Variants in SASH1 observed in about 807,000 individuals in gnomAD.
SASH1 encodes the protein SAM and SH3 domain containing 1, also known as SAM and SH3 domain-containing protein 1.
A neutral mutation model predicts 125.2 loss-of-function variants in SASH1; 44 were observed. The observed-to-expected ratio is 0.35, with a 90% CI of 0.28 to 0.45. The LOEUF (loss-of-function observed/expected upper bound fraction) is 0.45, where lower values mean the gene tolerates loss of function less well. Ranked by LOEUF, SASH1 falls within the 20% of genes least tolerant of loss-of-function variation. The pLI, the probability that SASH1 is intolerant of heterozygous loss-of-function variation, is 1.00. For synonymous variants in SASH1, 639 were observed against 649.1 expected (o/e 0.98, Z 0.24); for missense variants, 1,426 against 1,614.5 (o/e 0.88, Z 2.00).
intron 2 of SASH1, among the ~76,000 whole-genome samples, chr6:148,437,628 G>A (rs1408798868): frequency 6.6e-6 from 1 of 152,226 alleles, no homozygotes; most frequent in Non-Finnish European, 1.5e-5. Context: ...GGAATGGCTT[G>A]AGCTCTGGGC....
chr6:148,323,057 T>C lies in SASH1; in HGVS notation n.74+50680T>C, dbSNP rs550494045. ...TCCTCTTTTTTTTGAGACAGGGTTC[T>C]AGCTCCGTCACCCAGGACCTCAGCT... On this transcript the variant is annotated intron_variant and non_coding_transcript_variant, in intron 1 of 3. Transcript: ENST00000367469. Among the ~76,000 whole-genome samples, 20 of 151,166 alleles carry C rather than the reference T, an allele frequency of 1.3e-4. No individual in the cohort carries two copies. The South Asian group carries it at 4.3e-3, about 32-fold the overall frequency.
At chr6:148,383,668 A>G (rs954039814) in intron 1 of SASH1, among the ~76,000 whole-genome samples, 8 of 152,084 alleles carry the variant, frequency 5.3e-5, no homozygotes, top group East Asian at 1.9e-4. Flanking sequence ...CTGTCAACTT[A>G]TTCTAAACTG....
intron 1 of SASH1, among the ~76,000 whole-genome samples, chr6:148,348,379 C>T (rs766960256): frequency 6.6e-6 from 1 of 152,144 alleles, no homozygotes. Flanking sequence ...TCCATGATTC[C>T]CTTCTCCTGC....
rs187312446 is a variant in SASH1, at chr6:148,446,367, T to C, written c.386+5960T>C. 6.4e-3 allele frequency among the ~76,000 whole-genome samples: 970 copies of C among 152,136 alleles called. 6 individuals are homozygous for C. The highest frequency in any genetic ancestry group is 0.015 in the African/African-American group (617 of 41,502). ...TCATGATCCGCCCGCCTTGGCCTCCTAAAGTGCTGGGATGACAGGCGTGAG... is the reference window on the plus strand; with the variant it reads ...TCATGATCCGCCCGCCTTGGCCTCCCAAAGTGCTGGGATGACAGGCGTGAG... On this transcript the variant is annotated intron_variant, in intron 4 of 19. Coordinates refer to ENST00000367467, the MANE Select transcript of SASH1 (RefSeq NM_015278.5).
chr6:148,456,351 C>T (rs1777346193), intron 4 of SASH1, among the ~76,000 whole-genome samples: 1 of 152,208 alleles, frequency 6.6e-6, no homozygotes, highest in African/African-American at 2.4e-5. Flanking sequence ...CGTGTGGCAG[C>T]CCATTCTCAC....
intron 7 of SASH1, among the ~76,000 whole-genome samples, chr6:148,486,936 AATAT>A (rs68036618): frequency 1.1e-3 from 71 of 61,870 alleles, no homozygotes; most frequent in East Asian, 2.2e-3. Flanking sequence ...AACAACAACA[AATAT>A]ATATATATAT....
chr6:148,372,892 A>C (rs1032845903), intron 1 of SASH1, among the ~76,000 whole-genome samples: 1 of 152,126 alleles, frequency 6.6e-6, no homozygotes, highest in Admixed American at 6.6e-5. Flanking sequence ...TGGTGAAAAA[A>C]TGGTAAGAAG....
chr6:148,350,656 G>A (rs1194738142), intron 1 of SASH1, among the ~76,000 whole-genome samples: 3 of 152,116 alleles, frequency 2.0e-5, no homozygotes, highest in East Asian at 3.9e-4. Flanking sequence ...TGTAATAGAC[G>A]ATGTGCCTAC....
chr6:148,447,798 A>C, intron 4 of SASH1, among the ~76,000 whole-genome samples: 1 of 148,978 alleles, frequency 6.7e-6, no homozygotes, highest in African/African-American at 2.5e-5. Context: ...CTACCTGGCC[A>C]CCTTAGCCCT....
At chr6:148,506,678 C>G (rs1779820429) in intron 8 of SASH1, among the ~76,000 whole-genome samples, 1 of 152,248 alleles carries the variant, frequency 6.6e-6, no homozygotes, top group African/African-American at 2.4e-5. Flanking sequence ...GTTTTTCTAA[C>G]CCCTGAGACC....
chr6:148,205,721 A>G, the SASH1 span, among the ~76,000 whole-genome samples: 19 of 152,316 alleles, frequency 1.2e-4, no homozygotes, highest in African/African-American at 4.6e-4. Context: ...AGTGGAGACT[A>G]ATCCAACTAT....
At chr6:148,427,567 T>C (rs1775880296) in intron 2 of SASH1, among the ~76,000 whole-genome samples, 1 of 152,114 alleles carries the variant, frequency 6.6e-6, no homozygotes, top group African/African-American at 2.4e-5. Context: ...GCACTCAACA[T>C]TGGTAAAGTT....
intron 1 of SASH1, among the ~76,000 whole-genome samples, chr6:148,346,951 A>G (rs1013985566): frequency 1.3e-5 from 2 of 152,138 alleles, no homozygotes; most frequent in African/African-American, 2.4e-5. Context: ...GTAGACTTCT[A>G]TTGAGAAGTG....
intron 1 of SASH1, among the ~76,000 whole-genome samples, chr6:148,321,059 T>C (rs1346955017): frequency 1.3e-5 from 2 of 152,212 alleles, no homozygotes; most frequent in East Asian, 3.8e-4. Flanking sequence ...GGATTGATAG[T>C]ATTAGGTTGG....
chr6:148,393,402 T>C (rs1039717157), intron 2 of SASH1, among the ~76,000 whole-genome samples: 1 of 152,084 alleles, frequency 6.6e-6, no homozygotes, highest in Non-Finnish European at 1.5e-5. Flanking sequence ...CTGGTAGGAC[T>C]CTGTGGCCTC....
intron 1 of SASH1, among the ~76,000 whole-genome samples, chr6:148,343,605 G>T (rs982932868): frequency 3.9e-5 from 6 of 152,218 alleles, no homozygotes; most frequent in Admixed American, 3.9e-4. Flanking sequence ...TTCACCATTT[G>T]TTGTGTGACC....
At chr6:148,456,444 C>T (rs2087107538) in intron 4 of SASH1, among the ~76,000 whole-genome samples, 1 of 152,244 alleles carries the variant, frequency 6.6e-6, no homozygotes, top group African/African-American at 2.4e-5. Flanking sequence ...GCCTCAGCCA[C>T]ATTTCCCCAT....
chr6:148,486,077 T>TA (rs1351290426), intron 7 of SASH1, among the ~76,000 whole-genome samples: 1 of 152,094 alleles, frequency 6.6e-6, no homozygotes, highest in African/African-American at 2.4e-5. Flanking sequence ...AAAGACATTA[T>TA]AAAAAATTTT....
At chr6:148,373,341 G>A (rs182369445) in intron 1 of SASH1, among the ~76,000 whole-genome samples, 160 of 152,310 alleles carry the variant, frequency 1.1e-3, no homozygotes, top group Non-Finnish European at 3.2e-4. Context: ...CAGGCCGAGA[G>A]AGGAGCAAGT....
Sources: allele counts gnomAD v4.1 joint callset (sites outside exome capture counted in the v4.1 genomes callset), GRCh38; gene constraint gnomAD v4.1.1; transcripts MANE v1.5; gene names NCBI Gene and HGNC (gene_info 2026-07-23, HGNC 2026-07-21).